Variants in MYO5A observed in about 807,000 individuals in gnomAD.
MYO5A encodes the protein myosin VA, also known as unconventional myosin-Va.
In MYO5A, 98 loss-of-function variants were observed where a neutral mutation model predicts 249.7. The ratio of observed to expected loss-of-function variants is 0.39; its 90% CI spans 0.33 to 0.46. The LOEUF (loss-of-function observed/expected upper bound fraction) is 0.46, where lower values mean the gene tolerates loss of function less well. Among genes scored for constraint, MYO5A ranks in the 20% least tolerant of loss-of-function variants. MYO5A has a pLI of 0.98. For synonymous variants in MYO5A, 778 were observed against 810.6 expected (o/e 0.96, Z 0.68); for missense variants, 1,696 against 2,308.8 (o/e 0.73, Z 5.44).
rs1157629881 is a variant in MYO5A, at chr15:52,343,324, C to T, written c.3960-127G>A. ...AGTTTGTTTTTATTCATTATGACAACTTTAAGACATTACCACAAAAATTAT... is the reference window on the plus strand; with the variant it reads ...AGTTTGTTTTTATTCATTATGACAATTTTAAGACATTACCACAAAAATTAT... On this transcript the variant is annotated intron_variant, in intron 30 of 41. Coordinates refer to ENST00000399233, the MANE Select transcript of MYO5A (RefSeq NM_001382347.1). 7 of 798,940 alleles carry T rather than the reference C, an allele frequency of 8.8e-6. No individual in the cohort carries two copies. The African/African-American group carries it at 1.2e-4, about 14-fold the overall frequency. The allele number at this position is 798,940 out of a possible 1,614,324, so 49.5% of individuals were successfully genotyped here.
chr15:52,449,332 G>A (rs2075966568), intron 1 of MYO5A, among the ~76,000 whole-genome samples: 1 of 152,100 alleles, frequency 6.6e-6, no homozygotes, highest in Admixed American at 6.5e-5. Context: ...AATCTTTCAT[G>A]ATCTGGCCCT....
chr15:52,450,051 T>C (rs540027781), intron 1 of MYO5A, among the ~76,000 whole-genome samples: 29 of 152,124 alleles, frequency 1.9e-4, no homozygotes, highest in African/African-American at 7.0e-4. Context: ...GGCGTGGTGA[T>C]GTGCACACCT....
In MYO5A at chr15:52,490,145, A is replaced by G. The variant is rs532463065; in HGVS notation, c.27+38635T>C. Among the ~76,000 whole-genome samples the G allele has an allele frequency of 3.9e-5, 6 of 152,348 alleles. No homozygotes were observed. The East Asian group carries it at 9.6e-4, about 24-fold the overall frequency. Reference sequence around the variant, plus strand: ...TAGAACCTCTGCACCCTGGTAATGTAAAATGGTGCAGCCAGTACGGAAAAC... The same window carrying G: ...TAGAACCTCTGCACCCTGGTAATGTGAAATGGTGCAGCCAGTACGGAAAAC... On this transcript the variant is annotated intron_variant, in intron 1 of 41. Transcript: ENST00000399233.
chr15:52,352,108 G>T (rs542591827), intron 27 of MYO5A, among the ~76,000 whole-genome samples: 3 of 152,264 alleles, frequency 2.0e-5, no homozygotes, highest in Admixed American at 2.0e-4. Context: ...AGAGCCTTGG[G>T]AGGCAGGAGG....
At chr15:52,399,823 C>G (rs2042666609) in intron 9 of MYO5A, among the ~76,000 whole-genome samples, 2 of 152,048 alleles carry the variant, frequency 1.3e-5, no homozygotes, top group Non-Finnish European at 2.9e-5. Flanking sequence ...ATTACCCTCT[C>G]TTGTATTCCC....
chr15:52,418,435 G>A (rs2043621930), intron 4 of MYO5A, among the ~76,000 whole-genome samples: 1 of 152,126 alleles, frequency 6.6e-6, no homozygotes, highest in Non-Finnish European at 1.5e-5. Context: ...AGAGAGACTA[G>A]AAAGGACACA....
chr15:52,434,787 A>G (rs1166082345), intron 1 of MYO5A, among the ~76,000 whole-genome samples: 1 of 152,266 alleles, frequency 6.6e-6, no homozygotes, highest in Non-Finnish European at 1.5e-5. Context: ...ATTTTCATGA[A>G]CAAATCACAT....
chr15:52,528,866 C>CCGCCCGAGCGGACTAGGAAG lies in MYO5A; in HGVS notation c.-61_-60insCTTCCTAGTCCGCTCGGGCG. ...CGGAGGCCGCACCTCGCCTGGGCGG[C>CCGCCCGAGCGGACTAGGAAG]CGCCCGAGCGGACTAGGAAGCGCCC... On this transcript the variant is annotated 5_prime_UTR_variant, in exon 1 of 42. Coordinates refer to ENST00000399233, the MANE Select transcript of MYO5A (RefSeq NM_001382347.1). 7.1e-7 allele frequency: 1 copy of CCGCCCGAGCGGACTAGGAAG among 1,416,782 alleles called. No individual in the cohort carries two copies. The highest frequency in any genetic ancestry group is 9.2e-7 in the Non-Finnish European group (1 of 1,088,300). 87.8% of individuals were successfully genotyped at this position (1,416,782 alleles called of 1,614,324 possible). A position where few individuals can be genotyped will look rare whatever the true frequency, so the allele number is the denominator to read the frequency against.
Position 52,313,470 on chromosome 15 carries a change from G to C in MYO5A, c.*226C>G, listed in dbSNP as rs2037849085. ...CCTGTATGTAAACTCACGGTACCTA[G>C]TTGGTTAAGGATGAGTGTTGCTATA... On this transcript the variant is annotated 3_prime_UTR_variant, in exon 42 of 42. Coordinates refer to ENST00000399233, the MANE Select transcript of MYO5A (RefSeq NM_001382347.1). 1.3e-5 allele frequency: 7 copies of C among 556,514 alleles called. No individual in the cohort carries two copies. The South Asian group carries it at 1.4e-4, about 11-fold the overall frequency. 34.5% of individuals were successfully genotyped at this position (556,514 alleles called of 1,614,324 possible). A position where few individuals can be genotyped will look rare whatever the true frequency, so the allele number is the denominator to read the frequency against.
At chr15:52,453,289 G>C (rs2076055754) in intron 1 of MYO5A, among the ~76,000 whole-genome samples, 1 of 152,086 alleles carries the variant, frequency 6.6e-6, no homozygotes, top group African/African-American at 2.4e-5. Context: ...TCAATGTGCT[G>C]AAAGACAAAA....
chr15:52,312,225 T>A lies in MYO5A; in HGVS notation c.*1471A>T, dbSNP rs1323425607. On this transcript the variant is annotated 3_prime_UTR_variant, in exon 42 of 42. Coordinates refer to ENST00000399233, the MANE Select transcript of MYO5A (RefSeq NM_001382347.1). ...ATGCTTTTAAAATTATCTAGTGGCA[T>A]CTGAGAACACTTATAGAAGCTGCAA... 5 of 152,228 alleles carry A rather than the reference T, an allele frequency of 3.3e-5. No individual in the cohort carries two copies. The highest frequency in any genetic ancestry group is 7.3e-5 in the Non-Finnish European group (5 of 68,036). The allele number at this position is 152,228 out of a possible 1,614,324, so 9.4% of individuals were successfully genotyped here. A position where few individuals can be genotyped will look rare whatever the true frequency, so the allele number is the denominator to read the frequency against.
intron 22 of MYO5A, among the ~76,000 whole-genome samples, chr15:52,369,762 T>C (rs2041002891): frequency 6.6e-6 from 1 of 152,076 alleles, no homozygotes; most frequent in Non-Finnish European, 1.5e-5. Flanking sequence ...TTCAAAAAAT[T>C]GCAACCTTAG....
chr15:52,515,321 C>A (rs894281908), intron 1 of MYO5A, among the ~76,000 whole-genome samples: 2 of 151,166 alleles, frequency 1.3e-5, no homozygotes, highest in South Asian at 2.1e-4. Flanking sequence ...GATAAGGGCC[C>A]CAAATAGAGC....
At chr15:52,405,608 T>G (rs112014630) in intron 8 of MYO5A, among the ~76,000 whole-genome samples, 355 of 152,358 alleles carry the variant, frequency 2.3e-3, no homozygotes, top group African/African-American at 8.2e-3. Context: ...TGACTGTGGC[T>G]GATCTGGCTT....
At chr15:52,442,740 T>C (rs546834552) in intron 1 of MYO5A, among the ~76,000 whole-genome samples, 1 of 146,758 alleles carries the variant, frequency 6.8e-6, no homozygotes, top group Admixed American at 7.1e-5. Flanking sequence ...GCCCACCCAT[T>C]GTTAAAACAG....
chr15:52,462,556 TA>T (rs1595729059), intron 1 of MYO5A, among the ~76,000 whole-genome samples: 2 of 151,504 alleles, frequency 1.3e-5, no homozygotes, highest in East Asian at 3.9e-4. Flanking sequence ...AATTAGATAT[TA>T]AGGTTATCGG....
At chr15:52,336,410 G>T in intron 34 of MYO5A, 53 bp downstream of exon 34, 16 of 1,218,696 alleles carry the variant, frequency 1.3e-5, no homozygotes, top group Non-Finnish European at 1.9e-5. Context: ...TAGTCTTTAA[G>T]CCAAGACTCA....
chr15:52,364,403 G>A, intron 24 of MYO5A, 151 bp downstream of exon 24: 2 of 672,480 alleles, frequency 3.0e-6, no homozygotes, highest in Non-Finnish European at 5.0e-6. Context: ...GAGTGGGTTG[G>A]GGAGATGGAA....
At chr15:52,489,951 T>C (rs1216036298) in intron 1 of MYO5A, among the ~76,000 whole-genome samples, 3 of 152,118 alleles carry the variant, frequency 2.0e-5, no homozygotes, top group Admixed American at 2.0e-4. Flanking sequence ...AAATGGCCAA[T>C]AGGCACATGA....
Sources: gnomAD v4.1 joint callset for allele counts (sites outside exome capture counted in the v4.1 genomes callset) on GRCh38, gnomAD v4.1.1 for gene constraint, MANE v1.5 for transcripts, NCBI Gene and HGNC (gene_info 2026-07-23, HGNC 2026-07-21) for gene names.